Variants in DPY19L2 observed in about 807,000 individuals in gnomAD.
DPY19L2 encodes the protein probable C-mannosyltransferase DPY19L2.
DPY19L2 carries 34 observed loss-of-function variants against 97.9 expected under a neutral mutation model. The ratio of observed to expected loss-of-function variants is 0.35; its 90% confidence interval spans 0.26 to 0.46. The LOEUF is 0.46. DPY19L2 is among the 20% of genes least tolerant of loss of function. DPY19L2 has a pLI of 1.00. For missense variants in DPY19L2, 623 were observed against 911.4 expected, an observed-to-expected ratio of 0.68 and a Z score of 4.07; for synonymous variants, 230 against 307.9, an observed-to-expected ratio of 0.75 and a Z score of 2.65.
At chr12:63,578,595 C>A (rs1008393415) in intron 19 of DPY19L2, among the ~76,000 whole-genome samples, 3 of 152,002 alleles carry the variant, frequency 2.0e-5, no homozygotes, top group South Asian at 2.1e-4. Flanking sequence ...CTGCTCTGTA[C>A]CCACATAAAT....
At chr12:63,663,035 A>G (rs10878072) in intron 3 of DPY19L2, among the ~76,000 whole-genome samples, 64,277 of 151,930 alleles carry the variant, frequency 0.42, 14,579 homozygotes, top group East Asian at 0.72. Context: ...TGAATCGTAC[A>G]CTTAAATGAT....
chr12:63,650,071 CAT>C (rs1290673479), intron 4 of DPY19L2, among the ~76,000 whole-genome samples: 2 of 152,060 alleles, frequency 1.3e-5, no homozygotes, highest in Non-Finnish European at 2.9e-5. Context: ...AAAAACCCCA[CAT>C]GATTATCTAA....
intron 12 of DPY19L2, among the ~76,000 whole-genome samples, chr12:63,600,702 CAG>C (rs1295994602): frequency 7.1e-6 from 1 of 140,062 alleles, no homozygotes. Context: ...CGTACAGAGA[CAG>C]AGGAAGGGGG....
At chr12:63,627,399 G>C (rs1447346823) in intron 6 of DPY19L2, among the ~76,000 whole-genome samples, 3 of 152,050 alleles carry the variant, frequency 2.0e-5, no homozygotes, top group Non-Finnish European at 2.9e-5. Flanking sequence ...ACCCAGGCTG[G>C]AGTGCAGTGG....
intron 4 of DPY19L2, among the ~76,000 whole-genome samples, chr12:63,658,475 T>C (rs1208641806): frequency 3.3e-5 from 5 of 152,160 alleles, no homozygotes; most frequent in Non-Finnish European, 4.4e-5. Context: ...ACCTGGGCAA[T>C]GAAGTGAGAC....
chr12:63,668,489 G>T lies in DPY19L2; in HGVS notation c.-96C>A, dbSNP rs1273530020. The T allele has an allele frequency of 3.9e-6, 5 of 1,275,848 alleles. No individual in the cohort carries two copies. The highest frequency in any genetic ancestry group is 5.3e-6 in the Non-Finnish European group (5 of 951,280). 79.0% of individuals were successfully genotyped at this position (1,275,848 alleles called of 1,614,324 possible). On this transcript the variant is annotated 5_prime_UTR_variant, in exon 1 of 22. Transcript: ENST00000324472. ...ACCTGACTCGCCTGGCAGCCTCAAC[G>T]GACTTGTCCCCGCAGCCGTTGCGGA...
chr12:63,667,066 T>A (rs561263593), intron 1 of DPY19L2, among the ~76,000 whole-genome samples: 1 of 152,316 alleles, frequency 6.6e-6, no homozygotes, highest in East Asian at 1.9e-4. Context: ...TTTACTTGTT[T>A]TATACCAGGA....
chr12:63,645,086 ATGTGTG>A (rs56147827), intron 5 of DPY19L2, among the ~76,000 whole-genome samples: 1 of 150,468 alleles, frequency 6.6e-6, no homozygotes, highest in African/African-American at 2.4e-5. Flanking sequence ...ATAGAAGATC[ATGTGTG>A]TGTGTGTGTG....
At position 63,636,861 on chromosome 12, in the gene DPY19L2, C is replaced by A. The variant is rs1592680850; in HGVS notation, c.803+7542G>T. 2.0e-5 allele frequency among the ~76,000 whole-genome samples: 3 copies of A among 152,176 alleles called. No homozygotes were observed. The East Asian group carries it at 5.8e-4, about 29-fold the overall frequency. On this transcript the variant is annotated intron_variant, in intron 6 of 21. Coordinates refer to ENST00000324472, the MANE Select transcript of DPY19L2 (RefSeq NM_173812.5). ...GGAGACTTTAACACCACGCTGTCAA[C>A]ATTGGACAGATCAACGAGACAGAAA...
intron 9 of DPY19L2, chr12:63,619,834 A>C: frequency 2.5e-6 from 1 of 399,480 alleles, no homozygotes; most frequent in Non-Finnish European, 5.0e-6. Context: ...CATCAGTATC[A>C]CTGGATTAAT....
chr12:63,640,762 C>A (rs978431918), intron 6 of DPY19L2, among the ~76,000 whole-genome samples: 2 of 152,006 alleles, frequency 1.3e-5, no homozygotes, highest in African/African-American at 4.8e-5. Flanking sequence ...TCTTCGGTAG[C>A]CCTCCTAATG....
chr12:63,668,055 A>G lies in DPY19L2; in HGVS notation c.337+2T>C. On this transcript the variant is annotated splice_donor_variant, in intron 1 of 21. Transcript: ENST00000324472. LOFTEE classifies it high-confidence loss of function. ...CCTAGGGCTCTCCTGCCCTCTCCTCACCGATGCCGAGAGTGGTTCTGCTGG... is the reference window on the plus strand; with the variant it reads ...CCTAGGGCTCTCCTGCCCTCTCCTCGCCGATGCCGAGAGTGGTTCTGCTGG... 1 of 1,612,940 alleles carries G rather than the reference A, an allele frequency of 6.2e-7. No homozygotes were observed. The highest frequency in any genetic ancestry group is 8.5e-7 in the Non-Finnish European group (1 of 1,179,558).
chr12:63,640,133 T>A (rs573023091), intron 6 of DPY19L2, among the ~76,000 whole-genome samples: 1 of 152,042 alleles, frequency 6.6e-6, no homozygotes, highest in Non-Finnish European at 1.5e-5. Context: ...TTCTCACTCA[T>A]AGGTGGGAAT....
chr12:63,640,791 A>C (rs1034717694), intron 6 of DPY19L2, among the ~76,000 whole-genome samples: 2 of 152,222 alleles, frequency 1.3e-5, no homozygotes, highest in African/African-American at 4.8e-5. Context: ...TGATTTTTTA[A>C]ATTTTAGTCA....
chr12:63,607,913 G>A (rs1297585181), intron 12 of DPY19L2, among the ~76,000 whole-genome samples: 3 of 151,772 alleles, frequency 2.0e-5, no homozygotes, highest in Non-Finnish European at 2.9e-5. Context: ...GATTATAGGC[G>A]TGAGCCAGTG....
chr12:63,624,942 G>C (rs1889282542), intron 7 of DPY19L2, among the ~76,000 whole-genome samples: 1 of 152,164 alleles, frequency 6.6e-6, no homozygotes, highest in Admixed American at 6.5e-5. Context: ...CAGTTGTCTG[G>C]AACACTCAGA....
At chr12:63,571,705 A>G (rs1008317578) in intron 19 of DPY19L2, among the ~76,000 whole-genome samples, 1 of 152,184 alleles carries the variant, frequency 6.6e-6, no homozygotes, top group Non-Finnish European at 1.5e-5. Flanking sequence ...AAATCATTTC[A>G]TTACTTGCTG....
intron 6 of DPY19L2, among the ~76,000 whole-genome samples, chr12:63,632,442 C>T (rs945184686): frequency 5.3e-5 from 8 of 152,150 alleles, no homozygotes; most frequent in African/African-American, 1.7e-4. Context: ...GAGAGCCAAA[C>T]CATGAGGCAA....
intron 12 of DPY19L2, among the ~76,000 whole-genome samples, chr12:63,603,765 C>T (rs140984161): frequency 6.1e-4 from 93 of 152,252 alleles, no homozygotes; most frequent in African/African-American, 2.1e-3. Flanking sequence ...TTTATCCAGT[C>T]TATCATTCAT....
Sources: gnomAD v4.1 joint callset for allele counts (sites outside exome capture counted in the v4.1 genomes callset) on GRCh38, gnomAD v4.1.1 for gene constraint, MANE v1.5 for transcripts, NCBI Gene and HGNC (gene_info 2026-07-23, HGNC 2026-07-21) for gene names.